Variants in SSRP1 observed in about 807,000 individuals in gnomAD.
SSRP1 encodes structure specific recognition protein 1, also known as FACT complex subunit SSRP1.
A neutral mutation model predicts 84.4 loss-of-function variants in SSRP1; 21 were observed. The ratio of observed to expected loss-of-function variants is 0.25; its 90% confidence interval spans 0.18 to 0.36. The LOEUF (loss-of-function observed/expected upper bound fraction) is 0.36, where lower values mean the gene tolerates loss of function less well. SSRP1 is among the 10% of genes least tolerant of loss of function. SSRP1 has a pLI of 1.00. For missense variants in SSRP1, 519 were observed against 900.8 expected (o/e 0.58, Z 5.43); for synonymous variants, 319 against 318.3 (o/e 1.00, Z -0.02).
intron 3 of SSRP1, among the ~76,000 whole-genome samples, chr11:57,333,847 C>G (rs1459232727): frequency 6.6e-6 from 1 of 152,166 alleles, no homozygotes; most frequent in Non-Finnish European, 1.5e-5. Context: ...GAAAACAAAA[C>G]CCACACTTTA....
chr11:57,331,007 G>A (rs1004001843), intron 9 of SSRP1, 80 bp from the exon 10 acceptor site: 19 of 1,507,548 alleles, frequency 1.3e-5, no homozygotes, highest in Non-Finnish European at 1.7e-5. Context: ...GATTCCATGA[G>A]CTGGGGTAGA....
intron 16 of SSRP1, 72 bp from the exon 17 acceptor site, chr11:57,326,550 C>A: frequency 6.2e-7 from 1 of 1,606,130 alleles, no homozygotes; most frequent in Non-Finnish European, 8.5e-7. Flanking sequence ...GTGAAGGGCC[C>A]GCAATTCCCT....
At chr11:57,333,562 C>A (rs1330197617) in intron 3 of SSRP1, 22 bp from the exon 4 acceptor site, 1 of 1,579,854 alleles carries the variant, frequency 6.3e-7, no homozygotes. Context: ...GGGAAGAAAG[C>A]ACAATCCCAG....
rs144962888 is a variant in SSRP1, at chr11:57,335,471, G to T, written c.-119-231C>A. 5.5e-4 allele frequency: 179 copies of T among 323,504 alleles called. No homozygotes were observed. The highest frequency in any genetic ancestry group is 9.4e-4 in the Admixed American group (23 of 24,510). 20.0% of individuals were successfully genotyped at this position (323,504 alleles called of 1,614,324 possible). ...GACGCCCGCTCTGGCCGCTCCGGCG[G>T]GAGCCATGGCAACGAGCAGCGGAAC... On this transcript the variant is annotated intron_variant, in intron 1 of 16. Coordinates refer to ENST00000278412, the MANE Select transcript of SSRP1 (RefSeq NM_003146.3). The surrounding 1 kb of genome is among the most constrained non-coding windows in gnomAD (Gnocchi z 4.6).
At position 57,330,643 on chromosome 11, in the gene SSRP1, C is replaced by A; in HGVS notation, c.1296+212G>T. On this transcript the variant is annotated intron_variant, in intron 10 of 16. Coordinates refer to ENST00000278412, the MANE Select transcript of SSRP1 (RefSeq NM_003146.3). The surrounding 1 kb of genome is among the most constrained non-coding windows in gnomAD (Gnocchi z 4.0). Reference sequence around the variant, plus strand: ...AGCCCCAAGCCCCTCCCTCTCCCAGCCCCACTGGGGGCTCCTGAGGGGCTG... The same window carrying A: ...AGCCCCAAGCCCCTCCCTCTCCCAGACCCACTGGGGGCTCCTGAGGGGCTG... 1.4e-6 allele frequency: 2 copies of A among 1,443,010 alleles called. No individual in the cohort carries two copies. Among genetic ancestry groups the A allele is most frequent in the East Asian group, 2.5e-5 (1 of 40,314 alleles). 89.4% of individuals were successfully genotyped at this position (1,443,010 alleles called of 1,614,324 possible).
Position 57,332,001 on chromosome 11 carries a change from G to A in SSRP1, c.1002-112C>T. ...TCCTCGACTAAGTAAACCTCACTGA[G>A]CTGTTCTGACAGAGGCGCTGGCACC... On this transcript the variant is annotated intron_variant, in intron 8 of 16. Transcript: ENST00000278412. This position sits in a 1 kb window ranked among gnomAD's most constrained non-coding sequence, Gnocchi z 5.5. 1.3e-6 allele frequency: 2 copies of A among 1,498,484 alleles called. No individual in the cohort carries two copies. The highest frequency in any genetic ancestry group is 1.2e-5 in the South Asian group (1 of 82,762). 92.8% of individuals were successfully genotyped at this position (1,498,484 alleles called of 1,614,324 possible).
In SSRP1 at chr11:57,328,445, G is replaced by A. The variant is rs960502969; in HGVS notation, c.1482-19C>T. The A allele has an allele frequency of 3.1e-6, 5 of 1,613,730 alleles. No individual in the cohort carries two copies. The highest frequency in any genetic ancestry group is 1.7e-5 in the Admixed American group (1 of 59,980). ...GTCAAACCTGCCAGAGAACAAGCCA[G>A]GCTTAGACTTGAGGAGGGAAGACAG... On this transcript the variant is annotated intron_variant, in intron 12 of 16. Transcript: ENST00000278412.
At position 57,326,365 on chromosome 11, in the gene SSRP1, G is replaced by C; in HGVS notation, c.*42C>G. The stretch of plus-strand genomic sequence containing the variant: ...TACCAAAATATGGGTGGGGAGTCGG[G>C]GGGTGTGAGAAGGCAAGCGCAAAGA... On this transcript the variant is annotated 3_prime_UTR_variant, in exon 17 of 17. Transcript: ENST00000278412. The C allele has an allele frequency of 6.3e-7, 1 of 1,590,426 alleles. No homozygotes were observed. The highest frequency in any genetic ancestry group is 1.1e-5 in the South Asian group (1 of 90,614).
At chr11:57,327,033 A>C (rs903956990) in intron 15 of SSRP1, 144 bp from the exon 16 acceptor site, 1 of 1,398,366 alleles carries the variant, frequency 7.2e-7, no homozygotes, top group Non-Finnish European at 9.4e-7. Flanking sequence ...GTCAGCCTGG[A>C]GGGCACCAAG....
rs1316065412 is a variant in SSRP1 at position 57,330,030 on chromosome 11, T to C, written c.1481+63A>G. The C allele has an allele frequency of 1.9e-6, 3 of 1,595,732 alleles. No individual in the cohort carries two copies. Among genetic ancestry groups the C allele is most frequent in the Admixed American group, 1.7e-5 (1 of 59,980 alleles). On this transcript the variant is annotated intron_variant, in intron 12 of 16. Coordinates refer to ENST00000278412, the MANE Select transcript of SSRP1 (RefSeq NM_003146.3). This position sits in a 1 kb window ranked among gnomAD's most constrained non-coding sequence, Gnocchi z 4.0. ...CTGGGACCTGAGAAATGTCCAGAAA[T>C]CTTCTGGTCCCTTAAGCTTATGGGT...
rs1314617677 is a variant in SSRP1 at position 57,332,136 on chromosome 11, A to G, written c.1001+16T>C. The G allele has an allele frequency of 1.2e-6, 2 of 1,613,210 alleles. No homozygotes were observed. Among genetic ancestry groups the G allele is most frequent in the Non-Finnish European group, 1.7e-6 (2 of 1,179,916 alleles). On this transcript the variant is annotated intron_variant, in intron 8 of 16. Transcript: ENST00000278412. This position sits in a 1 kb window ranked among gnomAD's most constrained non-coding sequence, Gnocchi z 5.5. ...CCATACCCAGGCAGGGCAGGATCCCAGGCCCACACTCTCACCCTTGGAAGT... is the reference window on the plus strand; with the variant it reads ...CCATACCCAGGCAGGGCAGGATCCCGGGCCCACACTCTCACCCTTGGAAGT...
chr11:57,332,584 G>A lies in SSRP1; in HGVS notation c.768+41C>T. 1 of 1,604,612 alleles carries A rather than the reference G, an allele frequency of 6.2e-7. No individual in the cohort carries two copies. Among genetic ancestry groups the A allele is most frequent in the Middle Eastern group, 1.7e-4 (1 of 6,034 alleles). ...TGAGATCCATCTACTTAACACTTAG[G>A]CAAAAACCAGGATTATCCGGCCATA... On this transcript the variant is annotated intron_variant, in intron 6 of 16. Coordinates refer to ENST00000278412, the MANE Select transcript of SSRP1 (RefSeq NM_003146.3). The surrounding 1 kb of genome is among the most constrained non-coding windows in gnomAD (Gnocchi z 5.5).
chr11:57,334,392 C>A (rs1181908864), intron 3 of SSRP1, 71 bp downstream of exon 3: 1 of 1,556,424 alleles, frequency 6.4e-7, no homozygotes, highest in Admixed American at 1.8e-5. Context: ...GAGGAAGGAA[C>A]CTCGAGTCTC....
In SSRP1 at chr11:57,326,445, G is replaced by C; in HGVS notation, c.2092C>G (p.Pro698Ala). The stretch of plus-strand genomic sequence containing the variant: ...CCTGACGCTGAGTCCTCTGAGCTGG[G>C]GGGAGTACTGGCTAGTTCTTCTTCT... ...SEEEELASTP[P>A]SSEDSASGSD... The change falls in exon 17 of 17, where the codon CCC becomes GCC. Residue 698 changes from proline to alanine, a missense_variant. Physicochemically the swap from Pro to Ala is conservative, Grantham distance 27. Transcript: ENST00000278412. The C allele has an allele frequency of 6.2e-7, 1 of 1,614,166 alleles. No individual in the cohort carries two copies. The highest frequency in any genetic ancestry group is 8.5e-7 in the Non-Finnish European group (1 of 1,180,044).
rs1184514628 is a variant in SSRP1, at chr11:57,327,014, A to T, written c.1872-125T>A. On this transcript the variant is annotated intron_variant, in intron 15 of 16. Transcript: ENST00000278412. ...CACAGCCCATTTCACTCTGAACGTA[A>T]ATAGCTGCGTCAGCCTGGAGGGCAC... 6 of 1,434,238 alleles carry T rather than the reference A, an allele frequency of 4.2e-6. No individual in the cohort carries two copies. In the South Asian group the frequency reaches 9.0e-5, roughly 22 times the overall value. The allele number at this position is 1,434,238 out of a possible 1,614,324, so 88.8% of individuals were successfully genotyped here. A position where few individuals can be genotyped will look rare whatever the true frequency, so the allele number is the denominator to read the frequency against.
rs999153297 is a variant in SSRP1, at chr11:57,332,018, G to A, written c.1002-129C>T. 2.2e-5 allele frequency: 33 copies of A among 1,519,868 alleles called. No homozygotes were observed. In the African/African-American group the frequency reaches 3.0e-4, roughly 14 times the overall value. 94.1% of individuals were successfully genotyped at this position (1,519,868 alleles called of 1,614,324 possible). A position where few individuals can be genotyped will look rare whatever the true frequency, so the allele number is the denominator to read the frequency against. On this transcript the variant is annotated intron_variant, in intron 8 of 16. Coordinates refer to ENST00000278412, the MANE Select transcript of SSRP1 (RefSeq NM_003146.3). This position sits in a 1 kb window ranked among gnomAD's most constrained non-coding sequence, Gnocchi z 5.5. ...CTCACTGAGCTGTTCTGACAGAGGCGCTGGCACCTATTGTGACACAAGGTC... is the reference window on the plus strand; with the variant it reads ...CTCACTGAGCTGTTCTGACAGAGGCACTGGCACCTATTGTGACACAAGGTC...
chr11:57,327,224 G>A (rs961854390), intron 15 of SSRP1: 5 of 682,402 alleles, frequency 7.3e-6, no homozygotes, highest in South Asian at 3.8e-5. Flanking sequence ...CAGGAAAAGA[G>A]GCCATATTTC....
rs535496019 is a variant in SSRP1 at position 57,330,219 on chromosome 11, A to G, written c.1435+72T>C. ...CACCCAGGCACCCAGCTCTGGCCCA[A>G]GGGTGAGTCCAGCCCGGGCCACAGC... On this transcript the variant is annotated intron_variant, in intron 11 of 16. Transcript: ENST00000278412. The surrounding 1 kb of genome is among the most constrained non-coding windows in gnomAD (Gnocchi z 4.0). The G allele has an allele frequency of 1.9e-6, 3 of 1,614,082 alleles. No homozygotes were observed. The highest frequency in any genetic ancestry group is 1.3e-5 in the African/African-American group (1 of 75,052).
rs1360118061 is a variant in SSRP1 at position 57,333,087 on chromosome 11, A to G, written c.409T>C (p.Ser137Pro). 1 of 1,614,158 alleles carries G rather than the reference A, an allele frequency of 6.2e-7. No individual in the cohort carries two copies. Among genetic ancestry groups the G allele is most frequent in the Admixed American group, 1.7e-5 (1 of 60,024 alleles). ...PVFEIPLSNV[S>P]QCTTGKNEVT... Reference sequence around the variant, plus strand: ...TCATTCTTGCCTGTGGTGCACTGGGACACATTGCTGAGGGGTATCTCAAAG... The same window carrying G: ...TCATTCTTGCCTGTGGTGCACTGGGGCACATTGCTGAGGGGTATCTCAAAG... Residue 137 changes from serine to proline, a missense_variant, in exon 5 of 17, where the codon TCC becomes CCC. By Grantham distance (74) the Ser-to-Pro change is moderately conservative (BLOSUM62 -1). Transcript: ENST00000278412.
Sources: allele counts gnomAD v4.1 joint callset (sites outside exome capture counted in the v4.1 genomes callset), GRCh38; gene constraint gnomAD v4.1.1; non-coding constraint Gnocchi (gnomAD v3.1); transcripts MANE v1.5; gene names NCBI Gene and HGNC (gene_info 2026-07-23, HGNC 2026-07-21).